Variants in TMEM123 observed in about 807,000 individuals in gnomAD.
TMEM123 encodes transmembrane protein 123.
Under a neutral mutation model 19.7 loss-of-function variants are expected in TMEM123, and 16 were observed. That is an observed-to-expected ratio of 0.81 (90% CI 0.55 to 1.23). The LOEUF (loss-of-function observed/expected upper bound fraction) is 1.23, where lower values mean the gene tolerates loss of function less well. Ranked by LOEUF, TMEM123 falls within the 50% of genes most tolerant of loss-of-function variation. TMEM123 has a pLI of 0.00. For synonymous variants in TMEM123, 118 were observed against 99.4 expected (o/e 1.19, Z -1.12); for missense variants, 313 against 257.8 (o/e 1.21, Z -1.47).
chr11:102,423,498 T>C (rs1044009204), intron 2 of TMEM123, among the ~76,000 whole-genome samples: 12 of 152,162 alleles, frequency 7.9e-5, no homozygotes, highest in African/African-American at 2.9e-4. Context: ...TGTCTGCCAA[T>C]AGCCAGCCAT....
At chr11:102,425,151 G>A (rs186642689) in intron 2 of TMEM123, among the ~76,000 whole-genome samples, 36 of 152,282 alleles carry the variant, frequency 2.4e-4, no homozygotes, top group Admixed American at 1.2e-3. Context: ...AGGCTTTTAC[G>A]CCAACCAGTT....
intron 2 of TMEM123, among the ~76,000 whole-genome samples, chr11:102,437,003 T>C (rs1258453170): frequency 6.6e-6 from 1 of 152,246 alleles, no homozygotes; most frequent in African/African-American, 2.4e-5. Flanking sequence ...TTTTATGTTC[T>C]ACACCATCTT....
At chr11:102,407,459 A>ATTGTTCCC (rs1951965638) in intron 2 of TMEM123, among the ~76,000 whole-genome samples, 1 of 152,170 alleles carries the variant, frequency 6.6e-6, no homozygotes, top group Non-Finnish European at 1.5e-5. Context: ...TAAGGGTTGA[A>ATTGTTCCC]TTGTTCCCCT....
intron 2 of TMEM123, among the ~76,000 whole-genome samples, chr11:102,427,245 C>G (rs548065172): frequency 6.6e-6 from 1 of 152,006 alleles, no homozygotes; most frequent in South Asian, 2.1e-4. Context: ...TGGCACCATG[C>G]AATCCTACCA....
At chr11:102,442,894 C>T (rs949038707) in intron 2 of TMEM123, among the ~76,000 whole-genome samples, 1 of 152,172 alleles carries the variant, frequency 6.6e-6, no homozygotes, top group Non-Finnish European at 1.5e-5. Context: ...CATTCCTATA[C>T]ACCAATAAAA....
At position 102,402,160 on chromosome 11, in the gene TMEM123, G is replaced by C. The variant is rs1210322577; in HGVS notation, c.204C>G (p.Asn68Lys). 2 of 1,613,982 alleles carry C rather than the reference G, an allele frequency of 1.2e-6. No homozygotes were observed. Among genetic ancestry groups the C allele is most frequent in the African/African-American group, 1.3e-5 (1 of 74,902 alleles). Residue 68 changes from asparagine (N) to lysine (K), a missense_variant, in exon 3 of 5, where the codon AAC becomes AAG. Physicochemically the swap from Asn to Lys is moderately conservative, Grantham distance 94. Coordinates refer to ENST00000398136, the MANE Select transcript of TMEM123 (RefSeq NM_052932.3). ...VPSDHTNETSNSTVKPPTSVA... is the reference protein window; with the variant it reads ...VPSDHTNETSKSTVKPPTSVA... The stretch of plus-strand genomic sequence containing the variant: ...CTGAAGTTGGTGGTTTCACAGTACT[G>C]TTGGAAGTTTCATTTGTATGGTCAG...
chr11:102,410,082 A>T (rs1033169422), intron 2 of TMEM123, among the ~76,000 whole-genome samples: 3 of 152,248 alleles, frequency 2.0e-5, no homozygotes, highest in African/African-American at 7.2e-5. Flanking sequence ...CCAATAAGTT[A>T]CAGTATATCT....
chr11:102,412,844 A>G (rs1952016056), intron 2 of TMEM123, among the ~76,000 whole-genome samples: 1 of 152,218 alleles, frequency 6.6e-6, no homozygotes, highest in Non-Finnish European at 1.5e-5. Context: ...GAAATTCATA[A>G]GGAAATGACA....
chr11:102,452,005 T>C lies in TMEM123; in HGVS notation c.100+519A>G, dbSNP rs112073722. On this transcript the variant is annotated intron_variant, in intron 1 of 4. Transcript: ENST00000398136. ...AGCTCCAAGAGCCCCGAAGTCTAACTTCGAGCGTCAGGGGGACCTAAAGAT... is the reference window on the plus strand; with the variant it reads ...AGCTCCAAGAGCCCCGAAGTCTAACCTCGAGCGTCAGGGGGACCTAAAGAT... Among the ~76,000 whole-genome samples, 37 of 152,320 alleles carry C rather than the reference T, an allele frequency of 2.4e-4. 1 individual carries two copies. The highest frequency in any genetic ancestry group is 7.0e-4 in the African/African-American group (29 of 41,580).
In TMEM123 at chr11:102,452,590, G is replaced by A. The variant is rs1474900436; in HGVS notation, c.34C>T (p.Leu12=). ...AGCACCTGCAGCGTCCCCAGGAGCA[G>A]CGCGGCCCAAGCACCTCGCGCGCCG... ...GLGARGAWAA[L]LLGTLQVLAL... The change falls in exon 1 of 5, where the codon CTG becomes TTG. Residue 12 remains leucine (L), a synonymous_variant. Coordinates refer to ENST00000398136, the MANE Select transcript of TMEM123 (RefSeq NM_052932.3). 2 of 1,569,186 alleles carry A rather than the reference G, an allele frequency of 1.3e-6. No homozygotes were observed. Among genetic ancestry groups the A allele is most frequent in the Non-Finnish European group, 1.7e-6 (2 of 1,161,610 alleles).
chr11:102,416,462 A>G (rs1410530563), intron 2 of TMEM123, among the ~76,000 whole-genome samples: 1 of 152,188 alleles, frequency 6.6e-6, no homozygotes, highest in Non-Finnish European at 1.5e-5. Context: ...CTGAACCAAG[A>G]AGAAACTGAA....
chr11:102,396,910 C>G lies in TMEM123; in HGVS notation c.*1957G>C, dbSNP rs955093809. The G allele has an allele frequency of 1.3e-5, 2 of 152,178 alleles. No individual in the cohort carries two copies. Among genetic ancestry groups the G allele is most frequent in the Non-Finnish European group, 1.5e-5 (1 of 68,028 alleles). 9.4% of individuals were successfully genotyped at this position (152,178 alleles called of 1,614,324 possible). A position where few individuals can be genotyped will look rare whatever the true frequency, so the allele number is the denominator to read the frequency against. On this transcript the variant is annotated 3_prime_UTR_variant, in exon 5 of 5. Transcript: ENST00000398136. ...ATTCAAAAAGAAACTTCAGGTCGGTCTACGAAGTTCTGACTGACTTGAAGT... is the reference window on the plus strand; with the variant it reads ...ATTCAAAAAGAAACTTCAGGTCGGTGTACGAAGTTCTGACTGACTTGAAGT...
rs372555423 is a variant in TMEM123, at chr11:102,443,437, A to C, written c.157+5375T>G. ...CTTTGACAAACCTGACAAAAACAAG[A>C]AATGAGGAAAGGATTCCCTATTTAA... On this transcript the variant is annotated intron_variant, in intron 2 of 4. Transcript: ENST00000398136. Among the ~76,000 whole-genome samples, 5 of 152,302 alleles carry C rather than the reference A, an allele frequency of 3.3e-5. No individual in the cohort carries two copies. In the East Asian group the frequency reaches 9.6e-4, roughly 29 times the overall value.
Position 102,398,596 on chromosome 11 carries a change from C to CAA in TMEM123, c.*269_*270dup. 26 of 400,978 alleles carry CAA rather than the reference C, an allele frequency of 6.5e-5. No homozygotes were observed. Among genetic ancestry groups the CAA allele is most frequent in the South Asian group, 3.0e-4 (7 of 23,440 alleles). 24.8% of individuals were successfully genotyped at this position (400,978 alleles called of 1,614,324 possible). A position where few individuals can be genotyped will look rare whatever the true frequency, so the allele number is the denominator to read the frequency against. On this transcript the variant is annotated 3_prime_UTR_variant, in exon 5 of 5. Transcript: ENST00000398136. ...ATGTGACCAATGCCCCCACCCCAGC[C>CAA]AAAAAAAAAAAGATAGGACTTGTTT...
At chr11:102,413,371 T>G (rs149787072) in intron 2 of TMEM123, among the ~76,000 whole-genome samples, 46 of 152,326 alleles carry the variant, frequency 3.0e-4, no homozygotes, top group African/African-American at 9.4e-4. Flanking sequence ...TAAAAGTGCA[T>G]GCACCACTGG....
chr11:102,429,550 C>T (rs775264085), intron 2 of TMEM123, among the ~76,000 whole-genome samples: 1 of 152,204 alleles, frequency 6.6e-6, no homozygotes, highest in Non-Finnish European at 1.5e-5. Flanking sequence ...CTTGAGAAAA[C>T]ATTTCCTTAC....
rs752647375 is a variant in TMEM123, at chr11:102,401,531, A to C, written c.602+8T>G. ...TTTTTTAAAAAGTCCTGGCCATTCAAAACTTACATGGTTCGATACCGAATG... is the reference window on the plus strand; with the variant it reads ...TTTTTTAAAAAGTCCTGGCCATTCACAACTTACATGGTTCGATACCGAATG... On this transcript the variant is annotated splice_region_variant and intron_variant, in intron 4 of 4. Transcript: ENST00000398136. The C allele has an allele frequency of 1.3e-6, 2 of 1,556,618 alleles. No individual in the cohort carries two copies. Among genetic ancestry groups the C allele is most frequent in the Non-Finnish European group, 1.7e-6 (2 of 1,161,484 alleles).
At chr11:102,426,481 C>G (rs1415586727) in intron 2 of TMEM123, among the ~76,000 whole-genome samples, 1 of 150,556 alleles carries the variant, frequency 6.6e-6, no homozygotes, top group Non-Finnish European at 1.5e-5. Flanking sequence ...GATGGTGTCT[C>G]GCTCTGTCTC....
chr11:102,408,757 C>T (rs546334967), intron 2 of TMEM123, among the ~76,000 whole-genome samples: 3 of 152,162 alleles, frequency 2.0e-5, no homozygotes, highest in Non-Finnish European at 2.9e-5. Flanking sequence ...AACTACCATC[C>T]GAGTAACATC....
Sources: allele counts gnomAD v4.1 joint callset (sites outside exome capture counted in the v4.1 genomes callset), GRCh38; gene constraint gnomAD v4.1.1; transcripts MANE v1.5; gene names NCBI Gene and HGNC (gene_info 2026-07-23, HGNC 2026-07-21).